TMED3: variants seen among roughly 807,000 people sequenced by gnomAD.
The protein encoded by TMED3 is transmembrane p24 trafficking protein 3.
Under a neutral mutation model 15.0 loss-of-function variants are expected in TMED3, and 9 were observed. The observed-to-expected ratio is 0.60, with a 90% CI of 0.36 to 1.04. The LOEUF is 1.04. TMED3 is among the 50% of genes least tolerant of loss of function. The pLI is 0.01. For missense variants in TMED3, 267 were observed against 278.9 expected, an observed-to-expected ratio of 0.96 and a Z score of 0.30; for synonymous variants, 117 against 121.4, an observed-to-expected ratio of 0.96 and a Z score of 0.24.
intron 2 of TMED3, among the ~76,000 whole-genome samples, chr15:79,410,868 ACATGT>A (rs1893970137): frequency 6.6e-6 from 1 of 152,198 alleles, no homozygotes; most frequent in African/African-American, 2.4e-5. Flanking sequence ...ATTTCCAGAA[ACATGT>A]CCTGCCTTTT....
At chr15:79,341,463 A>G (rs985716002) in intron 2 of TMED3, among the ~76,000 whole-genome samples, 2 of 152,182 alleles carry the variant, frequency 1.3e-5, no homozygotes, top group Non-Finnish European at 2.9e-5. Flanking sequence ...ATCCCATAAG[A>G]GGGAGCTTGA....
chr15:79,322,410 A>G lies in TMED3; in HGVS notation c.*196A>G, dbSNP rs970145828. On this transcript the variant is annotated 3_prime_UTR_variant, in exon 3 of 3. Coordinates refer to ENST00000299705, the MANE Select transcript of TMED3 (RefSeq NM_007364.4). ...TCTCAGAGACCAGTAATCAGAAGGCATCCGACTGCATTAAGTGTGCAGCGC... is the reference window on the plus strand; with the variant it reads ...TCTCAGAGACCAGTAATCAGAAGGCGTCCGACTGCATTAAGTGTGCAGCGC... 6 of 1,423,002 alleles carry G rather than the reference A, an allele frequency of 4.2e-6. No individual in the cohort carries two copies. Among genetic ancestry groups the G allele is most frequent in the Non-Finnish European group, 4.6e-6 (5 of 1,092,530 alleles). The allele number at this position is 1,423,002 out of a possible 1,614,324, so 88.1% of individuals were successfully genotyped here. A position where few individuals can be genotyped will look rare whatever the true frequency, so the allele number is the denominator to read the frequency against.
intron 2 of TMED3, among the ~76,000 whole-genome samples, chr15:79,381,338 G>A (rs1893533185): frequency 6.6e-6 from 1 of 152,154 alleles, no homozygotes; most frequent in African/African-American, 2.4e-5. Context: ...TGAACCAAAG[G>A]AGACAAACCC....
chr15:79,317,845 A>G (rs1025832006), intron 2 of TMED3, among the ~76,000 whole-genome samples: 2 of 152,170 alleles, frequency 1.3e-5, no homozygotes, highest in African/African-American at 4.8e-5. Context: ...GCAGCCACCT[A>G]AGTGGTTTCC....
At chr15:79,410,311 A>G (rs889755153) in intron 2 of TMED3, among the ~76,000 whole-genome samples, 2 of 152,238 alleles carry the variant, frequency 1.3e-5, no homozygotes, top group African/African-American at 4.8e-5. Flanking sequence ...AATTCAGGAT[A>G]TTAATAATTG....
intron 2 of TMED3, among the ~76,000 whole-genome samples, chr15:79,407,617 C>T (rs1243429020): frequency 6.6e-6 from 1 of 152,048 alleles, no homozygotes; most frequent in Non-Finnish European, 1.5e-5. Flanking sequence ...CAAATCTGGC[C>T]CACCACCTGT....
At chr15:79,397,088 T>C (rs1241208147) in intron 2 of TMED3, among the ~76,000 whole-genome samples, 1 of 152,236 alleles carries the variant, frequency 6.6e-6, no homozygotes, top group Non-Finnish European at 1.5e-5. Context: ...GGTCAGGTTT[T>C]AAAACCATGA....
rs1041583951 is a variant in TMED3, at chr15:79,363,385, G to T, written c.418-48015G>T. ...TATCAAATATAAAAAATGACAAACA[G>T]CAAACCAGGAAAAATCCTTGCATAC... On this transcript the variant is annotated intron_variant, in intron 2 of 2. Coordinates refer to the TMED3 transcript ENST00000424155. Among the ~76,000 whole-genome samples the T allele has an allele frequency of 4.6e-5, 7 of 151,364 alleles. No individual in the cohort carries two copies. In the East Asian group the frequency reaches 1.4e-3, roughly 29 times the overall value.
chr15:79,396,141 C>T (rs946310772), intron 2 of TMED3, among the ~76,000 whole-genome samples: 6 of 152,154 alleles, frequency 3.9e-5, no homozygotes, highest in Non-Finnish European at 8.8e-5. Flanking sequence ...AAAGTTTGCC[C>T]TCCGTAACAA....
chr15:79,344,781 C>T (rs1361197461), intron 2 of TMED3, among the ~76,000 whole-genome samples: 2 of 152,154 alleles, frequency 1.3e-5, no homozygotes, highest in Non-Finnish European at 2.9e-5. Flanking sequence ...GGTGACTTAA[C>T]AAGAGTAATT....
chr15:79,390,717 T>G (rs1282280886), intron 2 of TMED3, among the ~76,000 whole-genome samples: 2 of 152,064 alleles, frequency 1.3e-5, no homozygotes, highest in African/African-American at 4.8e-5. Flanking sequence ...CATGTGGTTT[T>G]GGACTTTTTT....
intron 2 of TMED3, among the ~76,000 whole-genome samples, chr15:79,318,745 G>A (rs2058751390): frequency 1.3e-5 from 2 of 152,200 alleles, no homozygotes; most frequent in African/African-American, 4.8e-5. Context: ...ACATGCTTTA[G>A]TGAGCTTTGG....
intron 2 of TMED3, among the ~76,000 whole-genome samples, chr15:79,358,212 G>A (rs1005866756): frequency 2.0e-5 from 3 of 152,214 alleles, no homozygotes; most frequent in Non-Finnish European, 2.9e-5. Flanking sequence ...GGCTGTGTCC[G>A]AGGAATTTTC....
At chr15:79,400,030 C>T (rs1207452766) in intron 2 of TMED3, among the ~76,000 whole-genome samples, 1 of 152,162 alleles carries the variant, frequency 6.6e-6, no homozygotes, top group African/African-American at 2.4e-5. Flanking sequence ...TCTATTGTAC[C>T]GGGGATAAAG....
downstream of TMED3, among the ~76,000 whole-genome samples, chr15:79,325,869 A>G (rs1481348692): frequency 6.6e-6 from 1 of 152,178 alleles, no homozygotes; most frequent in Non-Finnish European, 1.5e-5. Flanking sequence ...AAGCCATCTT[A>G]TCCCACCTTC....
At chr15:79,406,507 C>A (rs1011990068) in intron 2 of TMED3, among the ~76,000 whole-genome samples, 1 of 152,224 alleles carries the variant, frequency 6.6e-6, no homozygotes, top group East Asian at 1.9e-4. Flanking sequence ...CAGTTTTAGC[C>A]TAGAACTCAT....
chr15:79,409,920 G>A (rs1431166311), intron 2 of TMED3, among the ~76,000 whole-genome samples: 1 of 152,034 alleles, frequency 6.6e-6, no homozygotes, highest in Non-Finnish European at 1.5e-5. Context: ...GAAGAAATTG[G>A]TAACCTTAGT....
At chr15:79,341,188 CCT>C in intron 2 of TMED3, among the ~76,000 whole-genome samples, 1 of 84,274 alleles carries the variant, frequency 1.2e-5, no homozygotes, top group Non-Finnish European at 2.2e-5. Flanking sequence ...GCAGCAAGAC[CCT>C]GTCTCAAAAA....
Position 79,322,176 on chromosome 15 carries a change from A to G in TMED3, c.616A>G (p.Thr206Ala), listed in dbSNP as rs746731356. The G allele has an allele frequency of 3.1e-6, 5 of 1,614,086 alleles. No homozygotes were observed. The highest frequency in any genetic ancestry group is 1.3e-5 in the African/African-American group (1 of 75,010). ...SQVLLLKSFF[T>A]EKRPISRAVH... Reference sequence around the variant, plus strand: ...GGTGCTACTGTTGAAAAGCTTCTTCACAGAAAAACGACCCATCAGCAGGGC... The same window carrying G: ...GGTGCTACTGTTGAAAAGCTTCTTCGCAGAAAAACGACCCATCAGCAGGGC... Residue 206 changes from threonine (T) to alanine (A), a missense_variant, in exon 3 of 3, where the codon ACA (threonine) becomes GCA (alanine). This residue lies in a region of TMED3 where 139 missense variants were observed against 125.0 expected (regional missense o/e 1.11). Coordinates refer to ENST00000299705, the MANE Select transcript of TMED3 (RefSeq NM_007364.4).
Sources: allele counts gnomAD v4.1 joint callset (sites outside exome capture counted in the v4.1 genomes callset), GRCh38; gene constraint gnomAD v4.1.1; regional missense constraint gnomAD v4.1.1; transcripts MANE v1.5; gene names NCBI Gene and HGNC (gene_info 2026-07-23, HGNC 2026-07-21).